Variants in CDH8 observed in about 807,000 individuals in gnomAD.
CDH8 encodes cadherin-8.
Under a neutral mutation model 68.1 loss-of-function variants are expected in CDH8, and 17 were observed. The ratio of observed to expected loss-of-function variants is 0.25; its 90% CI spans 0.17 to 0.37. CDH8 has a LOEUF of 0.37. Among genes scored for constraint, CDH8 ranks in the 10% least tolerant of loss-of-function variants. The pLI, the probability that CDH8 is intolerant of heterozygous loss-of-function variation, is 1.00. For missense variants in CDH8, 763 were observed against 999.3 expected (o/e 0.76, Z 3.19); for synonymous variants, 372 against 365.1 (o/e 1.02, Z -0.21).
At chr16:61,721,848 A>C (rs1959221017) in intron 9 of CDH8, among the ~76,000 whole-genome samples, 1 of 150,792 alleles carries the variant, frequency 6.6e-6, no homozygotes. Context: ...GTAAATCTTA[A>C]GTAAGACTCA....
At chr16:61,816,758 G>T (rs1962084092) in intron 7 of CDH8, among the ~76,000 whole-genome samples, 1 of 148,632 alleles carries the variant, frequency 6.7e-6, no homozygotes. Context: ...GATGTGTACA[G>T]TACAACAGAA....
chr16:61,896,492 C>T (rs1597049165), intron 3 of CDH8, among the ~76,000 whole-genome samples: 1 of 151,556 alleles, frequency 6.6e-6, no homozygotes, highest in East Asian at 1.9e-4. Context: ...TCTGCCACAG[C>T]GAAGGAAGAA....
At chr16:61,718,105 C>G (rs1462404706) in intron 9 of CDH8, among the ~76,000 whole-genome samples, 1 of 151,306 alleles carries the variant, frequency 6.6e-6, no homozygotes, top group Admixed American at 6.6e-5. Context: ...GCCAGGCGTC[C>G]TCAAAACCTT....
intron 2 of CDH8, among the ~76,000 whole-genome samples, chr16:61,972,834 A>G (rs1475640870): frequency 6.6e-6 from 1 of 152,152 alleles, no homozygotes; most frequent in African/African-American, 2.4e-5. Flanking sequence ...CCAGGTTCTT[A>G]AAAGAAGCAG....
At chr16:61,888,566 T>C (rs2143177672) in intron 3 of CDH8, among the ~76,000 whole-genome samples, 1 of 152,272 alleles carries the variant, frequency 6.6e-6, no homozygotes, top group African/African-American at 2.4e-5. Flanking sequence ...TACTTTATGA[T>C]CATATGACTT....
intron 10 of CDH8, among the ~76,000 whole-genome samples, chr16:61,657,289 G>A (rs1963467059): frequency 6.6e-6 from 1 of 151,992 alleles, no homozygotes; most frequent in Non-Finnish European, 1.5e-5. Context: ...AAAATTGATA[G>A]CCATTCTCCA....
rs540834138 is a variant in CDH8 at position 61,977,917 on chromosome 16, C to T, written c.252+43235G>A. Among the ~76,000 whole-genome samples, 24 of 152,204 alleles carry T rather than the reference C, an allele frequency of 1.6e-4. No individual in the cohort carries two copies. The South Asian group carries it at 4.4e-3, about 28-fold the overall frequency. On this transcript the variant is annotated intron_variant, in intron 2 of 11. Coordinates refer to ENST00000577390, the MANE Select transcript of CDH8 (RefSeq NM_001796.5). ...CACTACTAAGCATTCAGTACATATCCGCTTTAATGATAGTTTGTTATTTTT... is the reference window on the plus strand; with the variant it reads ...CACTACTAAGCATTCAGTACATATCTGCTTTAATGATAGTTTGTTATTTTT...
At chr16:61,746,611 T>A (rs967351708) in intron 8 of CDH8, among the ~76,000 whole-genome samples, 3 of 149,834 alleles carry the variant, frequency 2.0e-5, no homozygotes, top group Admixed American at 2.0e-4. Flanking sequence ...ATGTAATATG[T>A]TCATTATTTC....
rs71707137 is a variant in CDH8 at position 61,822,205 on chromosome 16, CTTTTTTTTTTTTTTTTTTTTTTTTTT to C, written c.836-1118_836-1093del. Among the ~76,000 whole-genome samples the C allele has an allele frequency of 4.8e-4, 22 of 45,630 alleles. 1 individual carries two copies. The highest frequency in any genetic ancestry group is 2.7e-3 in the South Asian group (3 of 1,102). The allele number at this position is 45,630 out of a possible 152,430, so 29.9% of individuals were successfully genotyped here. ...TGTAGTAACTGGCTCAAAAACGCAC[CTTTTTTTTTTTTTTTTTTTTTTTTTT>C]TTTTTTTTTTTTTTGGCTATTTCTC... On this transcript the variant is annotated intron_variant, in intron 5 of 11. Transcript: ENST00000577390.
At chr16:61,743,836 C>T (rs1456667561) in intron 8 of CDH8, among the ~76,000 whole-genome samples, 1 of 152,054 alleles carries the variant, frequency 6.6e-6, no homozygotes, top group Non-Finnish European at 1.5e-5. Flanking sequence ...ACATGATTTG[C>T]CATGTCATTG....
At chr16:61,654,667 G>A (rs1363953576) in intron 11 of CDH8, among the ~76,000 whole-genome samples, 3 of 152,150 alleles carry the variant, frequency 2.0e-5, no homozygotes, top group Non-Finnish European at 4.4e-5. Flanking sequence ...TGTGAGAAAA[G>A]GGCAAGGAAA....
intron 7 of CDH8, among the ~76,000 whole-genome samples, chr16:61,804,473 C>A (rs930862992): frequency 7.9e-5 from 12 of 150,986 alleles, no homozygotes; most frequent in African/African-American, 2.7e-4. Flanking sequence ...AAAATCAGAG[C>A]AGAACTGAAG....
chr16:61,969,897 G>C (rs1301050083), intron 2 of CDH8, among the ~76,000 whole-genome samples: 2 of 152,146 alleles, frequency 1.3e-5, no homozygotes, highest in African/African-American at 4.8e-5. Flanking sequence ...TTCCCTTGGG[G>C]TTGCTATGTG....
chr16:61,712,103 T>C (rs570895315), intron 10 of CDH8, among the ~76,000 whole-genome samples: 1 of 151,750 alleles, frequency 6.6e-6, no homozygotes, highest in Non-Finnish European at 1.5e-5. Context: ...AAGTATTCTA[T>C]TACAGGGTTT....
chr16:62,017,160 G>A (rs1411051345), intron 2 of CDH8, among the ~76,000 whole-genome samples: 1 of 152,092 alleles, frequency 6.6e-6, no homozygotes, highest in Non-Finnish European at 1.5e-5. Context: ...TATGCAGGCA[G>A]GGTTCTAGGT....
chr16:61,799,432 C>T (rs1596977737), intron 7 of CDH8, among the ~76,000 whole-genome samples: 2 of 151,968 alleles, frequency 1.3e-5, no homozygotes, highest in Admixed American at 1.3e-4. Context: ...CTGCTAAGCC[C>T]TATATATTAA....
intron 2 of CDH8, among the ~76,000 whole-genome samples, chr16:61,995,210 C>T (rs1965788854): frequency 6.6e-6 from 1 of 152,138 alleles, no homozygotes; most frequent in Non-Finnish European, 1.5e-5. Flanking sequence ...AATTAGACAA[C>T]ATCTCAGGAC....
rs184873857 is a variant in CDH8 at position 61,970,296 on chromosome 16, T to C, written c.252+50856A>G. ...AGAGACACATATTTGTATGTCAGCA[T>C]GATCCAAGTGATATCCAAACTCAAG... On this transcript the variant is annotated intron_variant, in intron 2 of 11. Coordinates refer to ENST00000577390, the MANE Select transcript of CDH8 (RefSeq NM_001796.5). 1.2e-4 allele frequency among the ~76,000 whole-genome samples: 18 copies of C among 152,286 alleles called. 1 individual carries two copies. The highest frequency in any genetic ancestry group is 1.1e-3 in the Admixed American group (17 of 15,296).
At chr16:61,991,866 T>A (rs913137859) in intron 2 of CDH8, among the ~76,000 whole-genome samples, 1 of 152,206 alleles carries the variant, frequency 6.6e-6, no homozygotes, top group African/African-American at 2.4e-5. Context: ...AGGTGGCAAC[T>A]GGTCTAATCT....
Sources: allele counts gnomAD v4.1 joint callset (sites outside exome capture counted in the v4.1 genomes callset), GRCh38; gene constraint gnomAD v4.1.1; transcripts MANE v1.5; gene names NCBI Gene and HGNC (gene_info 2026-07-23, HGNC 2026-07-21).